The following PDGFD variants were observed in gnomAD, a reference collection of about 807,000 sequenced individuals.
The protein encoded by PDGFD is platelet derived growth factor D.
Under a neutral mutation model 44.7 loss-of-function variants are expected in PDGFD, and 30 were observed. That is an observed-to-expected ratio of 0.67 (90% confidence interval 0.50 to 0.91). The LOEUF (loss-of-function observed/expected upper bound fraction) is 0.91, where lower values mean the gene tolerates loss of function less well. PDGFD is among the 40% of genes least tolerant of loss of function. The pLI, the probability that PDGFD is intolerant of heterozygous loss-of-function variation, is 0.00. For synonymous variants in PDGFD, 173 were observed against 168.4 expected, an observed-to-expected ratio of 1.03 and a Z score of -0.21; for missense variants, 445 against 457.8, an observed-to-expected ratio of 0.97 and a Z score of 0.25.
At chr11:104,097,956 G>C (rs1248584214) in intron 1 of PDGFD, among the ~76,000 whole-genome samples, 1 of 152,074 alleles carries the variant, frequency 6.6e-6, no homozygotes, top group Admixed American at 6.6e-5. Flanking sequence ...ATTACCTTAA[G>C]AGGAAAACTG....
At chr11:104,090,479 A>C (rs915710576) in intron 1 of PDGFD, among the ~76,000 whole-genome samples, 1 of 151,610 alleles carries the variant, frequency 6.6e-6, no homozygotes, top group Non-Finnish European at 1.5e-5. Context: ...AAATACAAAA[A>C]TCAGCCAGGT....
chr11:103,941,466 T>G (rs1000678606), intron 5 of PDGFD, among the ~76,000 whole-genome samples: 17 of 152,212 alleles, frequency 1.1e-4, no homozygotes, highest in African/African-American at 4.1e-4. Context: ...AAGGAAGTAA[T>G]GCAAACATAT....
chr11:104,104,788 TGAA>T (rs1409820036), intron 1 of PDGFD, among the ~76,000 whole-genome samples: 2 of 152,162 alleles, frequency 1.3e-5, no homozygotes, highest in African/African-American at 2.4e-5. Flanking sequence ...GAAACTTCTC[TGAA>T]GAAGATTCTA....
At position 103,907,712 on chromosome 11, in the gene PDGFD, T is replaced by C. The variant is rs1281632281; in HGVS notation, c.*1982A>G. ...CAGCTACATTGTGAGCTGTTCAGGT[T>C]AGAGTGATGTAACGTTCATTTTGAC... On this transcript the variant is annotated 3_prime_UTR_variant, in exon 7 of 7. Coordinates refer to ENST00000393158, the MANE Select transcript of PDGFD (RefSeq NM_025208.5). The C allele has an allele frequency of 6.6e-6, 1 of 152,202 alleles. No individual in the cohort carries two copies. Among genetic ancestry groups the C allele is most frequent in the Admixed American group, 6.5e-5 (1 of 15,286 alleles). The allele number at this position is 152,202 out of a possible 1,614,324, so 9.4% of individuals were successfully genotyped here. A position where few individuals can be genotyped will look rare whatever the true frequency, so the allele number is the denominator to read the frequency against.
intron 1 of PDGFD, among the ~76,000 whole-genome samples, chr11:104,078,300 A>G (rs1288331286): frequency 3.3e-5 from 5 of 152,148 alleles, no homozygotes; most frequent in Non-Finnish European, 7.4e-5. Flanking sequence ...GACATCTTCC[A>G]TGAGTGCTTC....
At chr11:104,137,766 T>G (rs909602859) in intron 1 of PDGFD, among the ~76,000 whole-genome samples, 1 of 127,862 alleles carries the variant, frequency 7.8e-6, no homozygotes, top group African/African-American at 2.8e-5. Flanking sequence ...CATTCTAACC[T>G]ACTGGATATC....
At chr11:104,002,079 T>C (rs1859628361) in intron 1 of PDGFD, among the ~76,000 whole-genome samples, 1 of 152,170 alleles carries the variant, frequency 6.6e-6, no homozygotes, top group East Asian at 1.9e-4. Context: ...TGGCCTGCAG[T>C]CATGGCAGCA....
chr11:104,153,907 A>G (rs1159116204), intron 1 of PDGFD, among the ~76,000 whole-genome samples: 2 of 152,148 alleles, frequency 1.3e-5, no homozygotes, highest in Middle Eastern at 3.4e-3. Flanking sequence ...GAGAAGAGAA[A>G]TCTGAGGTCT....
intron 4 of PDGFD, 36 bp from the exon 5 acceptor site, chr11:103,943,686 A>G: frequency 6.4e-7 from 1 of 1,551,810 alleles, no homozygotes; most frequent in Non-Finnish European, 8.9e-7. Context: ...ACTCAGAATA[A>G]GTCCATTGCT....
At chr11:104,137,034 C>T (rs1862016415) in intron 1 of PDGFD, among the ~76,000 whole-genome samples, 1 of 149,196 alleles carries the variant, frequency 6.7e-6, no homozygotes, top group Non-Finnish European at 1.5e-5. Context: ...GCTCAGGAAA[C>T]AATCCAGAGC....
rs1309143824 is a variant in PDGFD at position 104,035,802 on chromosome 11, GGAGT to G, written c.125-35551_125-35548del. Among the ~76,000 whole-genome samples the G allele has an allele frequency of 2.0e-5, 3 of 152,014 alleles. No homozygotes were observed. In the East Asian group the frequency reaches 5.8e-4, roughly 29 times the overall value. ...TTGTAACATGAAACTGCTTTCCTTT[GGAGT>G]GAGACCACTTTGCACCTGGAAGATG... On this transcript the variant is annotated intron_variant, in intron 1 of 6. Transcript: ENST00000393158.
At chr11:104,032,646 T>G (rs115161864) in intron 1 of PDGFD, among the ~76,000 whole-genome samples, 1,912 of 150,296 alleles carry the variant, frequency 0.013, 33 homozygotes, top group African/African-American at 0.044. Context: ...TTATGTGGAT[T>G]TTTTTCTTTT....
intron 1 of PDGFD, among the ~76,000 whole-genome samples, chr11:104,162,392 G>C (rs1862403647): frequency 1.3e-5 from 2 of 152,094 alleles, no homozygotes; most frequent in Admixed American, 1.3e-4. Flanking sequence ...GTCCCTAGTG[G>C]AAACATTAAA....
intron 1 of PDGFD, among the ~76,000 whole-genome samples, chr11:104,156,925 T>A (rs1479917680): frequency 6.6e-6 from 1 of 152,240 alleles, no homozygotes; most frequent in Non-Finnish European, 1.5e-5. Flanking sequence ...GCACCTCTGG[T>A]CTTGGATTCT....
chr11:104,042,540 T>C (rs1860372658), intron 1 of PDGFD, among the ~76,000 whole-genome samples: 1 of 152,198 alleles, frequency 6.6e-6, no homozygotes, highest in South Asian at 2.1e-4. Flanking sequence ...ATCCAGTTTT[T>C]CTATATTTCA....
intron 1 of PDGFD, among the ~76,000 whole-genome samples, chr11:104,063,330 G>GGAGA (rs149925266): frequency 2.2e-4 from 33 of 148,478 alleles, no homozygotes; most frequent in East Asian, 1.2e-3. Flanking sequence ...GAGAGAGAGA[G>GGAGA]GAGAGAGAGA....
At chr11:104,066,014 T>G (rs1030893791) in intron 1 of PDGFD, among the ~76,000 whole-genome samples, 3 of 152,256 alleles carry the variant, frequency 2.0e-5, no homozygotes, top group Admixed American at 6.5e-5. Flanking sequence ...TTTTAATTTT[T>G]ATTTGGAAAA....
chr11:104,128,818 T>C (rs1438098033), intron 1 of PDGFD, among the ~76,000 whole-genome samples: 2 of 152,184 alleles, frequency 1.3e-5, no homozygotes, highest in African/African-American at 2.4e-5. Context: ...CATGAAGTTC[T>C]TGGCATTGTC....
At chr11:104,109,871 T>A (rs1486145851) in intron 1 of PDGFD, among the ~76,000 whole-genome samples, 1 of 152,162 alleles carries the variant, frequency 6.6e-6, no homozygotes, top group East Asian at 1.9e-4. Context: ...GGATCCAGAC[T>A]GCCTGGTATT....
Sources: gnomAD v4.1 joint callset for allele counts (sites outside exome capture counted in the v4.1 genomes callset) on GRCh38, gnomAD v4.1.1 for gene constraint, MANE v1.5 for transcripts, NCBI Gene and HGNC (gene_info 2026-07-23, HGNC 2026-07-21) for gene names.